GAB2: variants seen among roughly 807,000 people sequenced by gnomAD.
GAB2 encodes GRB2-associated-binding protein 2.
GAB2 carries 26 observed loss-of-function variants against 65.5 expected under a neutral mutation model. The ratio of observed to expected loss-of-function variants is 0.40; its 90% confidence interval spans 0.29 to 0.55. The LOEUF (loss-of-function observed/expected upper bound fraction) is 0.55, where lower values mean the gene tolerates loss of function less well. Among genes scored for constraint, GAB2 ranks in the 20% least tolerant of loss-of-function variants. The pLI is 0.53. For missense variants in GAB2, 884 were observed against 875.8 expected (o/e 1.01, Z -0.12); for synonymous variants, 321 against 329.6 (o/e 0.97, Z 0.28).
intron 1 of GAB2, among the ~76,000 whole-genome samples, chr11:78,355,818 A>G (rs991356943): frequency 3.3e-5 from 5 of 152,098 alleles, no homozygotes; most frequent in African/African-American, 9.7e-5. Context: ...TGATGTCACA[A>G]ACTCCTTATA....
chr11:78,237,647 G>A (rs1025432216), intron 3 of GAB2, among the ~76,000 whole-genome samples: 1 of 152,102 alleles, frequency 6.6e-6, no homozygotes, highest in African/African-American at 2.4e-5. Context: ...GGGAAATGTA[G>A]AAATGAAAAA....
chr11:78,401,543 T>TGC (rs1232032174), intron 1 of GAB2, among the ~76,000 whole-genome samples: 1 of 151,126 alleles, frequency 6.6e-6, no homozygotes, highest in African/African-American at 2.4e-5. Context: ...TGTGTGTGTG[T>TGC]GTGTCTGGCT....
chr11:78,219,486 A>T, intron 9 of GAB2, 71 bp from the exon 10 acceptor site: 1 of 1,425,564 alleles, frequency 7.0e-7, no homozygotes, highest in Non-Finnish European at 9.8e-7. Context: ...GAAGGTGGGC[A>T]CGGGATCTTC....
chr11:78,277,589 C>T lies in GAB2; in HGVS notation c.376+3012G>A, dbSNP rs948715352. Among the ~76,000 whole-genome samples, 3 of 152,222 alleles carry T rather than the reference C, an allele frequency of 2.0e-5. No individual in the cohort carries two copies. The East Asian group carries it at 5.8e-4, about 29-fold the overall frequency. ...ATGGTCGAGTTTAACTGGTATTTGG[C>T]CTTCCTCTAGGAACACTTGGCTGGT... On this transcript the variant is annotated intron_variant, in intron 2 of 9. Transcript: ENST00000361507.
chr11:78,262,513 G>A lies in GAB2; in HGVS notation c.377-12113C>T, dbSNP rs116079932. ...TTGACCAGAGGCAGGATCTGTCGCA[G>A]AGGGTACAAAAATGGGGTCAGCTGC... is the stretch of plus-strand genomic sequence containing the variant. On this transcript the variant is annotated intron_variant, in intron 2 of 9. Coordinates refer to ENST00000361507, the MANE Select transcript of GAB2 (RefSeq NM_080491.3). Among the ~76,000 whole-genome samples, 1,450 of 152,300 alleles carry A rather than the reference G, an allele frequency of 9.5e-3. 20 individuals carry two copies. The highest frequency in any genetic ancestry group is 0.032 in the African/African-American group (1,344 of 41,560).
At chr11:78,363,212 A>G (rs955172110) in intron 1 of GAB2, among the ~76,000 whole-genome samples, 121 of 152,352 alleles carry the variant, frequency 7.9e-4, no homozygotes, top group African/African-American at 2.7e-3. Context: ...TCAAACACAG[A>G]AATGAGAAGT....
chr11:78,406,763 G>C (rs1461571900), intron 1 of GAB2, among the ~76,000 whole-genome samples: 5 of 152,164 alleles, frequency 3.3e-5, no homozygotes, highest in Non-Finnish European at 5.9e-5. Flanking sequence ...CCAACACTGA[G>C]ATAACAGAGC....
At chr11:78,295,002 C>A (rs930608734) in intron 1 of GAB2, among the ~76,000 whole-genome samples, 9 of 152,112 alleles carry the variant, frequency 5.9e-5, no homozygotes, top group Non-Finnish European at 1.3e-4. Flanking sequence ...TGACAAAGGG[C>A]TGATATCCAG....
At chr11:78,302,595 C>A (rs958589130) in intron 1 of GAB2, among the ~76,000 whole-genome samples, 6 of 151,752 alleles carry the variant, frequency 4.0e-5, no homozygotes, top group Non-Finnish European at 7.4e-5. Context: ...TAAACTAGTA[C>A]AACCACTATG....
intron 1 of GAB2, among the ~76,000 whole-genome samples, chr11:78,414,244 C>G (rs1379929105): frequency 6.6e-6 from 1 of 152,082 alleles, no homozygotes; most frequent in African/African-American, 2.4e-5. Context: ...GACTGAAAGA[C>G]TGGATTAATT....
At chr11:78,274,265 G>GA (rs2134572234) in intron 2 of GAB2, among the ~76,000 whole-genome samples, 1 of 152,180 alleles carries the variant, frequency 6.6e-6, no homozygotes, top group African/African-American at 2.4e-5. Context: ...AAATGAGAGA[G>GA]AAAGACAGAC....
chr11:78,411,762 T>C (rs1405701692), intron 1 of GAB2, among the ~76,000 whole-genome samples: 1 of 150,114 alleles, frequency 6.7e-6, no homozygotes, highest in Admixed American at 6.6e-5. Context: ...GCCGGCGCAG[T>C]GGCTCACGCC....
At chr11:78,376,049 C>T (rs754908212) in intron 1 of GAB2, among the ~76,000 whole-genome samples, 7 of 152,110 alleles carry the variant, frequency 4.6e-5, no homozygotes, top group East Asian at 1.9e-4. Flanking sequence ...AAGATCAGAA[C>T]GTAAGTATAA....
At chr11:78,405,093 T>A (rs561663872) in intron 1 of GAB2, among the ~76,000 whole-genome samples, 32 of 70,194 alleles carry the variant, frequency 4.6e-4, no homozygotes, top group African/African-American at 3.8e-3. Flanking sequence ...AAACATGGAT[T>A]TTTTTTTTTT....
chr11:78,223,764 A>C, intron 5 of GAB2, 88 bp from the exon 6 acceptor site: 1 of 1,108,744 alleles, frequency 9.0e-7, no homozygotes, highest in Non-Finnish European at 1.3e-6. Flanking sequence ...AGGCAAGACA[A>C]GTCATGACTG....
intron 1 of GAB2, among the ~76,000 whole-genome samples, chr11:78,289,187 G>T (rs1866577940): frequency 6.6e-6 from 1 of 152,194 alleles, no homozygotes; most frequent in African/African-American, 2.4e-5. Flanking sequence ...ATCACTTGAG[G>T]CCAGGAGTTC....
intron 1 of GAB2, among the ~76,000 whole-genome samples, chr11:78,287,918 G>C (rs1866531003): frequency 6.6e-6 from 1 of 151,900 alleles, no homozygotes; most frequent in African/African-American, 2.4e-5. Flanking sequence ...AAAGTGCTGG[G>C]ATTACAGGTG....
At chr11:78,222,391 A>C (rs1047035199) in intron 6 of GAB2, among the ~76,000 whole-genome samples, 196 bp from the exon 7 acceptor site, 1 of 152,104 alleles carries the variant, frequency 6.6e-6, no homozygotes, top group African/African-American at 2.4e-5. Flanking sequence ...TTCAGATTCC[A>C]AATTATATAT....
intron 1 of GAB2, among the ~76,000 whole-genome samples, chr11:78,411,204 A>C (rs1422261278): frequency 6.6e-6 from 1 of 152,094 alleles, no homozygotes; most frequent in Non-Finnish European, 1.5e-5. Flanking sequence ...CGAAGGAAGA[A>C]AGACATATAT....
Sources: gnomAD v4.1 joint callset for allele counts (sites outside exome capture counted in the v4.1 genomes callset) on GRCh38, gnomAD v4.1.1 for gene constraint, MANE v1.5 for transcripts, NCBI Gene and HGNC (gene_info 2026-07-23, HGNC 2026-07-21) for gene names.